The following PRDM14 variants were observed in gnomAD, a reference collection of about 807,000 sequenced individuals.
The protein encoded by PRDM14 is PR domain zinc finger protein 14.
PRDM14 carries 16 observed loss-of-function variants against 48.0 expected under a neutral mutation model. The ratio of observed to expected loss-of-function variants is 0.33; its 90% CI spans 0.23 to 0.51. PRDM14 has a LOEUF of 0.51. Among genes scored for constraint, PRDM14 ranks in the 20% least tolerant of loss-of-function variants. The probability of loss-of-function intolerance (pLI) is 0.97; values close to 1 mark genes in which losing one functional copy is unlikely to be tolerated. For synonymous variants in PRDM14, 264 were observed against 276.6 expected (o/e 0.95, Z 0.45); for missense variants, 566 against 719.6 (o/e 0.79, Z 2.44).
chr8:70,055,508 T>C, intron 6 of PRDM14, 107 bp from the exon 7 acceptor site: 1 of 576,426 alleles, frequency 1.7e-6, no homozygotes, highest in Non-Finnish European at 3.0e-6. Context: ...CCAATTTTTT[T>C]CTTTTTTTTT....
At chr8:70,058,464 C>G (rs375805262) in intron 6 of PRDM14, among the ~76,000 whole-genome samples, 176 bp downstream of exon 6, 2 of 152,230 alleles carry the variant, frequency 1.3e-5, no homozygotes, top group Admixed American at 1.3e-4. Flanking sequence ...ACATGTGCAT[C>G]GCTGTGCCTA....
At chr8:70,057,760 A>T (rs529293578) in intron 6 of PRDM14, among the ~76,000 whole-genome samples, 2 of 152,322 alleles carry the variant, frequency 1.3e-5, no homozygotes, top group East Asian at 3.9e-4. Flanking sequence ...CACCGTCCTG[A>T]TATTTTTAAA....
intron 1 of PRDM14, among the ~76,000 whole-genome samples, chr8:70,070,566 T>C (rs1805749945): frequency 6.6e-6 from 1 of 152,144 alleles, no homozygotes; most frequent in Non-Finnish European, 1.5e-5. Flanking sequence ...GCGCGCCACT[T>C]TTGGCTGCCC....
rs547120078 is a variant in PRDM14 at position 70,069,648 on chromosome 8, G to T, written c.213C>A (p.Phe71Leu). 5 of 1,568,912 alleles carry T rather than the reference G, an allele frequency of 3.2e-6. No homozygotes were observed. The South Asian group carries it at 4.6e-5, about 14-fold the overall frequency. Reference sequence around the variant, plus strand: ...GGCTCAGCAAGGGAGGCGCCATCCGGAAGGGGAAGGGGGGCATGGCGGGGG... The same window carrying T: ...GGCTCAGCAAGGGAGGCGCCATCCGTAAGGGGAAGGGGGGCATGGCGGGGG... ...SAAPAMPPFP[F>L]RMAPPLLSPG... is the part of the protein sequence containing the mutation. The change falls in exon 2 of 8, where the codon TTC becomes TTA. Residue 71 changes from phenylalanine (F) to leucine (L), a missense_variant. Phe to Leu is a conservative substitution (Grantham distance 22). Around this residue, in one of 3 missense-constraint regions of PRDM14, gnomAD observed 410 missense variants for 424.6 expected, o/e 0.97. Transcript: ENST00000276594.
chr8:70,070,613 C>G (rs1244696938), intron 1 of PRDM14, among the ~76,000 whole-genome samples: 4 of 152,208 alleles, frequency 2.6e-5, no homozygotes, highest in Admixed American at 2.6e-4. Context: ...CCCTCGCGGG[C>G]AGCGTCCGCC....
rs537005884 is a variant in PRDM14 at position 70,064,638 on chromosome 8, C to T, written c.1183+1597G>A. Among the ~76,000 whole-genome samples, 240 of 151,714 alleles carry T rather than the reference C, an allele frequency of 1.6e-3. 2 individuals are homozygous for T. Among genetic ancestry groups the T allele is most frequent in the African/African-American group, 5.4e-3 (225 of 41,330 alleles). ...CTGCTGGGTTCACGCCATTCTCCTG[C>T]CTCAGCCTCCCAAGTAGCTGGGACT... On this transcript the variant is annotated intron_variant, in intron 5 of 7. Transcript: ENST00000276594.
In PRDM14 at chr8:70,068,114, G is replaced by T; in HGVS notation, c.912+116C>A. 2.6e-6 allele frequency: 3 copies of T among 1,160,536 alleles called. No individual in the cohort carries two copies. The South Asian group carries it at 4.2e-5, about 16-fold the overall frequency. The allele number at this position is 1,160,536 out of a possible 1,614,324, so 71.9% of individuals were successfully genotyped here. On this transcript the variant is annotated intron_variant, in intron 4 of 7. Coordinates refer to ENST00000276594, the MANE Select transcript of PRDM14 (RefSeq NM_024504.4). ...CAGGCAACACAAACCACAGATATCT[G>T]CCCTGGATGTCCTCTCTCTCTGACC...
intron 4 of PRDM14, among the ~76,000 whole-genome samples, chr8:70,067,531 CAAAAAAAA>C (rs751731521): frequency 0.016 from 2,045 of 130,080 alleles, 60 homozygotes; most frequent in African/African-American, 0.054. Context: ...AAAAAAAAAA[CAAAAAAAA>C]AAAAACAAAG....
intron 5 of PRDM14, among the ~76,000 whole-genome samples, chr8:70,064,626 G>A (rs567570791): frequency 6.7e-6 from 1 of 149,820 alleles, no homozygotes; most frequent in Non-Finnish European, 1.5e-5. Context: ...CTGGGTTCAC[G>A]CCATTCTCCT....
chr8:70,061,511 CTCTG>C (rs1435864536), intron 5 of PRDM14, among the ~76,000 whole-genome samples: 1 of 152,214 alleles, frequency 6.6e-6, no homozygotes. Flanking sequence ...CATCGCCCTG[CTCTG>C]TCTATCACTT....
Position 70,066,380 on chromosome 8 carries a change from C to T in PRDM14, c.1038G>A (p.Gly346=), listed in dbSNP as rs1351358961. ...CTTTGCAGCTCTCATAAAATATATGCCCTTGACACTGCACAGCAACTAGGT... is the reference window on the plus strand; with the variant it reads ...CTTTGCAGCTCTCATAAAATATATGTCCTTGACACTGCACAGCAACTAGGT... ...EQNLVAVQCQ[G]HIFYESCKEI... is the part of the protein sequence containing the mutation. The change falls in exon 5 of 8, where the codon GGG becomes GGA. Residue 346 remains glycine (G), a synonymous_variant. Transcript: ENST00000276594. 1 of 1,614,142 alleles carries T rather than the reference C, an allele frequency of 6.2e-7. No homozygotes were observed. Among genetic ancestry groups the T allele is most frequent in the Non-Finnish European group, 8.5e-7 (1 of 1,180,032 alleles).
intron 2 of PRDM14, among the ~76,000 whole-genome samples, chr8:70,068,780 T>C (rs919515838): frequency 6.6e-6 from 1 of 152,146 alleles, no homozygotes; most frequent in Non-Finnish European, 1.5e-5. Context: ...ATTAACCCCA[T>C]TAGGCAAATT....
At chr8:70,070,771 G>A (rs538787471) in intron 1 of PRDM14, among the ~76,000 whole-genome samples, 2 of 152,330 alleles carry the variant, frequency 1.3e-5, no homozygotes, top group Non-Finnish European at 2.9e-5. Context: ...CCGCACCGCC[G>A]GGAAAGGATG....
chr8:70,069,075 ACCTGGAAGCGCCTCTT>A (rs1293954897), intron 2 of PRDM14, 70 bp downstream of exon 2: 3 of 1,088,448 alleles, frequency 2.8e-6, no homozygotes, highest in African/African-American at 1.6e-5. Flanking sequence ...CCTCAGCTCC[ACCTGGAAGCGCCTCTT>A]CCCGGACACT....
intron 5 of PRDM14, among the ~76,000 whole-genome samples, chr8:70,065,678 C>G (rs1805656639): frequency 6.6e-6 from 1 of 152,114 alleles, no homozygotes; most frequent in Non-Finnish European, 1.5e-5. Flanking sequence ...ATGCTTGACA[C>G]CCACCATACC....
chr8:70,061,261 A>G lies in PRDM14; in HGVS notation c.1184-2419T>C, dbSNP rs1805577171. Among the ~76,000 whole-genome samples, 4 of 152,180 alleles carry G rather than the reference A, an allele frequency of 2.6e-5. No individual in the cohort carries two copies. The South Asian group carries it at 8.3e-4, about 31-fold the overall frequency. ...GATCCCAGAGGATAAAGTGGCTTTGACTATGAATGCACCACAGAGATCTCA... is the reference window on the plus strand; with the variant it reads ...GATCCCAGAGGATAAAGTGGCTTTGGCTATGAATGCACCACAGAGATCTCA... On this transcript the variant is annotated intron_variant, in intron 5 of 7. Coordinates refer to ENST00000276594, the MANE Select transcript of PRDM14 (RefSeq NM_024504.4).
At chr8:70,055,944 G>A (rs10112802) in intron 6 of PRDM14, among the ~76,000 whole-genome samples, 92,477 of 152,052 alleles carry the variant, frequency 0.61, 28,192 homozygotes, top group East Asian at 0.74. Context: ...TTAGTTTCCC[G>A]ATCTTGCTCA....
intron 7 of PRDM14, among the ~76,000 whole-genome samples, chr8:70,053,287 G>A (rs562943589): frequency 2.2e-4 from 34 of 151,704 alleles, no homozygotes; most frequent in Non-Finnish European, 4.6e-4. Flanking sequence ...AGCTAATATC[G>A]GCCAGTGTCT....
intron 1 of PRDM14, among the ~76,000 whole-genome samples, chr8:70,070,106 A>T (rs1585656134): frequency 6.6e-6 from 1 of 152,218 alleles, no homozygotes; most frequent in Admixed American, 6.5e-5. Context: ...ATCTGCCGGG[A>T]TCCTGCCCTA....
Sources: allele counts gnomAD v4.1 joint callset (sites outside exome capture counted in the v4.1 genomes callset), GRCh38; gene constraint gnomAD v4.1.1; regional missense constraint gnomAD v4.1.1; transcripts MANE v1.5; gene names NCBI Gene and HGNC (gene_info 2026-07-23, HGNC 2026-07-21).